The following SLC25A21 variants were observed in gnomAD, a reference collection of about 807,000 sequenced individuals.
SLC25A21 encodes the protein solute carrier family 25 member 21.
In SLC25A21, 47 loss-of-function variants were observed where a neutral mutation model predicts 43.8. That is an observed-to-expected ratio of 1.07 (90% CI 0.85 to 1.37). SLC25A21 has a LOEUF of 1.37. SLC25A21 is among the 40% of genes most tolerant of loss of function. The pLI, the probability that SLC25A21 is intolerant of heterozygous loss-of-function variation, is 0.00. For missense variants in SLC25A21, 352 were observed against 350.2 expected, an observed-to-expected ratio of 1.00 and a Z score of -0.04; for synonymous variants, 131 against 121.3, an observed-to-expected ratio of 1.08 and a Z score of -0.52.
intron 1 of SLC25A21, among the ~76,000 whole-genome samples, chr14:37,169,416 T>A (rs1183251514): frequency 6.6e-6 from 1 of 152,026 alleles, no homozygotes; most frequent in Non-Finnish European, 1.5e-5. Context: ...TCCTGAGTTA[T>A]CCTCAGCACT....
At chr14:36,815,434 TG>T in intron 2 of SLC25A21, among the ~76,000 whole-genome samples, 1 of 152,110 alleles carries the variant, frequency 6.6e-6, no homozygotes, top group South Asian at 2.1e-4. Context: ...AAGCAAGAGG[TG>T]GGGTTGTATA....
At chr14:36,773,639 C>A (rs1886709221) in intron 3 of SLC25A21, among the ~76,000 whole-genome samples, 1 of 152,196 alleles carries the variant, frequency 6.6e-6, no homozygotes, top group South Asian at 2.1e-4. Flanking sequence ...ATAATAGTAA[C>A]ATTTTCTGAA....
At chr14:36,866,383 C>T (rs848041) in intron 2 of SLC25A21, among the ~76,000 whole-genome samples, 55,195 of 151,956 alleles carry the variant, frequency 0.36, 10,378 homozygotes, top group East Asian at 0.43. Context: ...TGATTCAGGG[C>T]GAAACAGAAC....
chr14:36,896,274 G>A (rs1246933720), intron 1 of SLC25A21, among the ~76,000 whole-genome samples: 2 of 152,178 alleles, frequency 1.3e-5, no homozygotes, highest in African/African-American at 4.8e-5. Flanking sequence ...TTGTTGAATT[G>A]ATCCCTTTAC....
At chr14:37,160,074 T>G (rs984184244) in intron 1 of SLC25A21, among the ~76,000 whole-genome samples, 1 of 152,098 alleles carries the variant, frequency 6.6e-6, no homozygotes, top group Non-Finnish European at 1.5e-5. Context: ...ACAGATGTTG[T>G]TGAGGGTGCA....
At chr14:36,930,666 C>A (rs1192518983) in intron 1 of SLC25A21, among the ~76,000 whole-genome samples, 1 of 152,128 alleles carries the variant, frequency 6.6e-6, no homozygotes, top group Non-Finnish European at 1.5e-5. Context: ...ATAATCTTTT[C>A]ACAGCACATT....
intron 3 of SLC25A21, among the ~76,000 whole-genome samples, chr14:36,741,562 A>C (rs951799764): frequency 6.6e-6 from 1 of 152,214 alleles, no homozygotes; most frequent in Admixed American, 6.5e-5. Context: ...GCTGATATTC[A>C]TAATCAAAGT....
intron 2 of SLC25A21, among the ~76,000 whole-genome samples, chr14:36,851,420 G>A (rs1381175376): frequency 6.6e-6 from 1 of 152,162 alleles, no homozygotes; most frequent in African/African-American, 2.4e-5. Context: ...CAGGCAGCAA[G>A]AATTTAGGAA....
intron 1 of SLC25A21, among the ~76,000 whole-genome samples, chr14:37,032,202 GCTTT>G (rs1961226719): frequency 6.6e-6 from 1 of 152,060 alleles, no homozygotes; most frequent in African/African-American, 2.4e-5. Flanking sequence ...ATTTAAACAT[GCTTT>G]CTGAATTCCT....
chr14:36,879,951 A>G (rs1014734018), intron 1 of SLC25A21, among the ~76,000 whole-genome samples: 61 of 152,282 alleles, frequency 4.0e-4, no homozygotes, highest in African/African-American at 1.4e-3. Flanking sequence ...GGACACATGT[A>G]CATATACTTC....
At chr14:37,045,834 C>T (rs1340023147) in intron 1 of SLC25A21, among the ~76,000 whole-genome samples, 2 of 152,142 alleles carry the variant, frequency 1.3e-5, no homozygotes, top group African/African-American at 4.8e-5. Context: ...ATGATCTTTT[C>T]CTTCTGGATG....
chr14:36,946,446 C>CAATA (rs1250823305), intron 1 of SLC25A21, among the ~76,000 whole-genome samples: 1 of 151,862 alleles, frequency 6.6e-6, no homozygotes, highest in African/African-American at 2.4e-5. Flanking sequence ...CTATTAATAC[C>CAATA]AATAAATAAA....
At chr14:37,153,431 G>A (rs1295075923) in intron 1 of SLC25A21, among the ~76,000 whole-genome samples, 1 of 152,252 alleles carries the variant, frequency 6.6e-6, no homozygotes, top group East Asian at 1.9e-4. Flanking sequence ...GGAAGCGGGT[G>A]CTGTCAGGAC....
intron 1 of SLC25A21, among the ~76,000 whole-genome samples, chr14:36,963,337 G>T (rs1959540221): frequency 6.6e-6 from 1 of 152,046 alleles, no homozygotes; most frequent in Admixed American, 6.6e-5. Context: ...ATATAAAATG[G>T]CCCTCCCCAG....
At chr14:37,143,137 T>C (rs539411567) in intron 1 of SLC25A21, among the ~76,000 whole-genome samples, 2 of 152,334 alleles carry the variant, frequency 1.3e-5, no homozygotes, top group African/African-American at 4.8e-5. Flanking sequence ...AGTTTACAGG[T>C]GGCCTTATAA....
At chr14:37,027,622 T>C (rs557986626) in intron 1 of SLC25A21, among the ~76,000 whole-genome samples, 5 of 152,308 alleles carry the variant, frequency 3.3e-5, no homozygotes, top group South Asian at 2.1e-4. Flanking sequence ...TGCAATTTTA[T>C]AGCAGGCAGC....
At chr14:36,874,834 A>G (rs1890472314) in intron 2 of SLC25A21, 122 bp downstream of exon 2, 1 of 663,114 alleles carries the variant, frequency 1.5e-6, no homozygotes, top group African/African-American at 1.8e-5. Flanking sequence ...TTAGAAGCAA[A>G]TATAACTGCC....
intron 1 of SLC25A21, among the ~76,000 whole-genome samples, chr14:36,980,898 C>A (rs1048339965): frequency 1.3e-5 from 2 of 152,158 alleles, no homozygotes; most frequent in Non-Finnish European, 2.9e-5. Flanking sequence ...TCAGAGTGAA[C>A]AGGCAACCTA....
intron 2 of SLC25A21, among the ~76,000 whole-genome samples, chr14:36,846,784 C>A (rs1038778518): frequency 3.9e-5 from 6 of 152,158 alleles, no homozygotes; most frequent in Admixed American, 1.3e-4. Context: ...GTCCTGGTGA[C>A]ACAGGAGTGA....
Sources: allele counts gnomAD v4.1 joint callset (sites outside exome capture counted in the v4.1 genomes callset), GRCh38; gene constraint gnomAD v4.1.1; transcripts MANE v1.5; gene names NCBI Gene and HGNC (gene_info 2026-07-23, HGNC 2026-07-21).